Variants in OR10J1 observed in about 807,000 individuals in gnomAD.
OR10J1 encodes the protein olfactory receptor 10J1.
For synonymous variants in OR10J1, 202 were observed against 143.8 expected (o/e 1.40, Z -2.89); for missense variants, 474 against 376.6 (o/e 1.26, Z -2.14).
At chr1:159,434,766 A>G (rs1375017159), upstream of OR10J1, among the ~76,000 whole-genome samples, 1 of 152,034 alleles carries the variant, frequency 6.6e-6, no homozygotes, top group Non-Finnish European at 1.5e-5. Flanking sequence ...TTGCTGTGAG[A>G]AGTCAACAAT....
chr1:159,437,558 T>C (rs1322383864), upstream of OR10J1, among the ~76,000 whole-genome samples: 3 of 152,150 alleles, frequency 2.0e-5, no homozygotes, highest in African/African-American at 7.2e-5. Flanking sequence ...CAATTAAAAA[T>C]CAACTAAATA....
At chr1:159,399,885 G>A in the OR10J1 span, among the ~76,000 whole-genome samples, 1 of 152,056 alleles carries the variant, frequency 6.6e-6, no homozygotes, top group Admixed American at 6.6e-5. Flanking sequence ...ACAAAGTTAA[G>A]GCAAGTTTTT....
At chr1:159,432,490 C>T in the OR10J1 span, 2 of 426,766 alleles carry the variant, frequency 4.7e-6, no homozygotes, top group Non-Finnish European at 8.4e-6. Flanking sequence ...ATCTCCATCC[C>T]AGGCTGTGCC....
At chr1:159,417,422 G>A in the OR10J1 span, among the ~76,000 whole-genome samples, 145 of 152,186 alleles carry the variant, frequency 9.5e-4, 2 homozygotes, top group African/African-American at 2.2e-3. Flanking sequence ...ATGGTGAGAG[G>A]TAATTGAATC....
chr1:159,433,218 A>G (rs759795736), upstream of OR10J1: 2 of 397,368 alleles, frequency 5.0e-6, no homozygotes, highest in Non-Finnish European at 4.4e-6. Context: ...GATGAGAGAT[A>G]CTGTGAAAGC....
At chr1:159,436,580 C>T (rs1284868209), upstream of OR10J1, among the ~76,000 whole-genome samples, 2 of 151,950 alleles carry the variant, frequency 1.3e-5, no homozygotes, top group Non-Finnish European at 2.9e-5. Flanking sequence ...GTACCAAATC[C>T]CAGTGCAGGG....
the OR10J1 span, among the ~76,000 whole-genome samples, chr1:159,415,294 C>A: frequency 2.0e-5 from 3 of 152,076 alleles, no homozygotes; most frequent in Non-Finnish European, 4.4e-5. Flanking sequence ...ATATGGACAT[C>A]CAATTTTCCC....
At chr1:159,431,613 G>A in the OR10J1 span, among the ~76,000 whole-genome samples, 1 of 152,142 alleles carries the variant, frequency 6.6e-6, no homozygotes, top group Non-Finnish European at 1.5e-5. Flanking sequence ...AACCAGTTAG[G>A]GGTCTCCAAT....
the OR10J1 span, among the ~76,000 whole-genome samples, chr1:159,431,527 A>G: frequency 3.1e-3 from 475 of 152,340 alleles, 6 homozygotes; most frequent in Non-Finnish European, 2.3e-3. Flanking sequence ...GATTTAAACC[A>G]GGTGAGTCTG....
the OR10J1 span, among the ~76,000 whole-genome samples, chr1:159,431,041 T>C: frequency 6.6e-6 from 1 of 152,280 alleles, no homozygotes; most frequent in Non-Finnish European, 1.5e-5. Context: ...ATAAAAAACC[T>C]TCCAAGCCTA....
the OR10J1 span, among the ~76,000 whole-genome samples, chr1:159,428,437 A>C: frequency 6.6e-6 from 1 of 152,136 alleles, no homozygotes; most frequent in African/African-American, 2.4e-5. Context: ...TCTTTCTCAT[A>C]GGTTTCAATT....
At chr1:159,398,966 A>G in the OR10J1 span, among the ~76,000 whole-genome samples, 3 of 152,130 alleles carry the variant, frequency 2.0e-5, no homozygotes, top group Admixed American at 6.6e-5. Flanking sequence ...GATTTAACCC[A>G]AAGACTACCT....
At chr1:159,410,052 T>C in the OR10J1 span, among the ~76,000 whole-genome samples, 1 of 152,310 alleles carries the variant, frequency 6.6e-6, no homozygotes, top group Admixed American at 6.5e-5. Flanking sequence ...TAAAGCCCAC[T>C]TGATCATGGT....
At chr1:159,432,423 T>C in the OR10J1 span, 9 of 404,932 alleles carry the variant, frequency 2.2e-5, no homozygotes, top group Admixed American at 1.3e-4. Context: ...TGAGACCTAT[T>C]ATACCGTGGC....
the OR10J1 span, among the ~76,000 whole-genome samples, chr1:159,418,274 A>G: frequency 1.3e-5 from 2 of 152,130 alleles, no homozygotes; most frequent in Non-Finnish European, 2.9e-5. Context: ...CATGTTAGAG[A>G]CCTTTGCAGC....
At chr1:159,412,753 T>TAA in the OR10J1 span, among the ~76,000 whole-genome samples, 47 of 151,754 alleles carry the variant, frequency 3.1e-4, no homozygotes, top group Non-Finnish European at 5.9e-4. Flanking sequence ...AACCTAGGCG[T>TAA]TACCATTCAG....
chr1:159,398,011 G>T, the OR10J1 span, among the ~76,000 whole-genome samples: 1 of 152,208 alleles, frequency 6.6e-6, no homozygotes, highest in Non-Finnish European at 1.5e-5. Flanking sequence ...AGGAGTGCTT[G>T]TGTCACTACA....
the OR10J1 span, among the ~76,000 whole-genome samples, chr1:159,402,638 C>A: frequency 6.6e-6 from 1 of 151,974 alleles, no homozygotes; most frequent in Admixed American, 6.6e-5. Flanking sequence ...AAAAAGATTC[C>A]ATGTTTATGG....
chr1:159,403,351 C>T, the OR10J1 span, among the ~76,000 whole-genome samples: 1 of 152,104 alleles, frequency 6.6e-6, no homozygotes, highest in African/African-American at 2.4e-5. Flanking sequence ...AGACAATATT[C>T]TCAAACGATC....
Sources: allele counts gnomAD v4.1 joint callset (sites outside exome capture counted in the v4.1 genomes callset), GRCh38; gene constraint gnomAD v4.1.1; transcripts MANE v1.5; gene names NCBI Gene and HGNC (gene_info 2026-07-23, HGNC 2026-07-21).